The following NTNG1 variants were observed in gnomAD, a reference collection of about 807,000 sequenced individuals.
NTNG1 encodes netrin G1, also known as netrin-G1.
NTNG1 carries 16 observed loss-of-function variants against 54.0 expected under a neutral mutation model. The observed-to-expected ratio is 0.30, with a 90% CI of 0.20 to 0.45. The LOEUF is 0.45. Among genes scored for constraint, NTNG1 ranks in the 20% least tolerant of loss-of-function variants. NTNG1 has a pLI of 1.00. For synonymous variants in NTNG1, 255 were observed against 263.1 expected (o/e 0.97, Z 0.30); for missense variants, 530 against 678.7 (o/e 0.78, Z 2.43).
chr1:107,462,058 A>G (rs1677314748), intron 7 of NTNG1, among the ~76,000 whole-genome samples: 1 of 152,108 alleles, frequency 6.6e-6, no homozygotes, highest in Non-Finnish European at 1.5e-5. Context: ...AAATAGATGG[A>G]TTTGGGATCT....
intron 2 of NTNG1, among the ~76,000 whole-genome samples, chr1:107,273,269 A>T (rs1449101050): frequency 1.3e-5 from 2 of 152,184 alleles, no homozygotes; most frequent in Non-Finnish European, 2.9e-5. Flanking sequence ...GAGAATGTAT[A>T]GAACTGGAAG....
At chr1:107,273,218 C>G (rs1408473653) in intron 2 of NTNG1, among the ~76,000 whole-genome samples, 3 of 152,090 alleles carry the variant, frequency 2.0e-5, no homozygotes, top group Non-Finnish European at 4.4e-5. Flanking sequence ...GGTCGCTGAG[C>G]AGTGAGAATA....
chr1:107,217,573 T>C (rs1458542294), intron 2 of NTNG1, among the ~76,000 whole-genome samples: 1 of 152,212 alleles, frequency 6.6e-6, no homozygotes, highest in African/African-American at 2.4e-5. Flanking sequence ...TTCAGCTTTT[T>C]GATGTAGGCA....
intron 2 of NTNG1, among the ~76,000 whole-genome samples, chr1:107,268,487 T>C (rs1392066152): frequency 1.4e-4 from 1 of 7,282 alleles, no homozygotes; most frequent in African/African-American, 1.4e-4. Context: ...TCTCATCATA[T>C]TTTTTTTTTT....
At chr1:107,224,931 G>A (rs1660578171) in intron 2 of NTNG1, among the ~76,000 whole-genome samples, 1 of 152,118 alleles carries the variant, frequency 6.6e-6, no homozygotes, top group Non-Finnish European at 1.5e-5. Context: ...TTTCTCAACT[G>A]TTGTATAAAA....
At chr1:107,245,157 C>G (rs766522751) in intron 2 of NTNG1, among the ~76,000 whole-genome samples, 1 of 152,098 alleles carries the variant, frequency 6.6e-6, no homozygotes, top group Non-Finnish European at 1.5e-5. Context: ...TTTATCCAGG[C>G]AAATTCCTTT....
chr1:107,365,473 A>T (rs1019573243), intron 3 of NTNG1, among the ~76,000 whole-genome samples: 4 of 152,072 alleles, frequency 2.6e-5, no homozygotes, highest in African/African-American at 4.8e-5. Flanking sequence ...AAAGGATAAT[A>T]AAAAAAATTG....
intron 3 of NTNG1, among the ~76,000 whole-genome samples, chr1:107,351,283 G>T (rs928625475): frequency 6.6e-6 from 1 of 152,132 alleles, no homozygotes; most frequent in Admixed American, 6.5e-5. Flanking sequence ...GTTTTAGTCA[G>T]TTTGCTCACT....
At position 107,345,576 on chromosome 1, in the gene NTNG1, C is replaced by T. The variant is rs376565521; in HGVS notation, c.887+20654C>T. ...AGATGGCATTTCATATTATTCATGACGGCAACCTTCAGTCCAGCACCATTG... is the reference window on the plus strand; with the variant it reads ...AGATGGCATTTCATATTATTCATGATGGCAACCTTCAGTCCAGCACCATTG... On this transcript the variant is annotated intron_variant, in intron 3 of 7. Coordinates refer to ENST00000370068, the MANE Select transcript of NTNG1 (RefSeq NM_001113226.3). Among the ~76,000 whole-genome samples the T allele has an allele frequency of 8.5e-5, 13 of 152,202 alleles. No individual in the cohort carries two copies. In the South Asian group the frequency reaches 1.5e-3, roughly 17 times the overall value.
chr1:107,407,969 C>G, intron 5 of NTNG1: 1 of 680,172 alleles, frequency 1.5e-6, no homozygotes, highest in Non-Finnish European at 2.7e-6. Context: ...TACCTAGACT[C>G]AGGTGCAATT....
chr1:107,439,552 A>T (rs1346944843), intron 7 of NTNG1, among the ~76,000 whole-genome samples: 1 of 152,122 alleles, frequency 6.6e-6, no homozygotes, highest in Non-Finnish European at 1.5e-5. Context: ...TTGAAATTAG[A>T]TTTGATATAT....
At chr1:107,256,992 A>G (rs1662977447) in intron 2 of NTNG1, among the ~76,000 whole-genome samples, 1 of 152,124 alleles carries the variant, frequency 6.6e-6, no homozygotes, top group Non-Finnish European at 1.5e-5. Flanking sequence ...CTTATCTGAC[A>G]ATATGGAGAT....
intron 3 of NTNG1, among the ~76,000 whole-genome samples, chr1:107,338,780 A>G (rs576106603): frequency 6.6e-6 from 1 of 151,986 alleles, no homozygotes; most frequent in East Asian, 1.9e-4. Context: ...ACCACAGAGA[A>G]TAGGGTTCTG....
In NTNG1 at chr1:107,299,424, T is replaced by A. The variant is rs1213931525; in HGVS notation, c.247-24858T>A. On this transcript the variant is annotated intron_variant, in intron 2 of 7. Transcript: ENST00000370068. ...TTCGTAGCACATACAGTGGTACTTC[T>A]CAAAATCAATGGTGTAGTGGATTTT... 2.6e-5 allele frequency among the ~76,000 whole-genome samples: 4 copies of A among 152,212 alleles called. No homozygotes were observed. In the East Asian group the frequency reaches 7.7e-4, roughly 29 times the overall value.
intron 3 of NTNG1, 140 bp downstream of exon 3, chr1:107,325,062 G>T: frequency 2.4e-6 from 2 of 832,826 alleles, no homozygotes; most frequent in Middle Eastern, 3.7e-4. Context: ...AGTAGGTTCT[G>T]AAGGCATTCT....
chr1:107,344,475 C>T (rs1225175583), intron 3 of NTNG1, among the ~76,000 whole-genome samples: 1 of 152,076 alleles, frequency 6.6e-6, no homozygotes, highest in Non-Finnish European at 1.5e-5. Flanking sequence ...TGGGTCATTG[C>T]TGCCTTCTCA....
intron 7 of NTNG1, among the ~76,000 whole-genome samples, chr1:107,453,551 G>C (rs771383930): frequency 1.3e-5 from 2 of 152,130 alleles, no homozygotes; most frequent in African/African-American, 4.8e-5. Flanking sequence ...AAGCCTCCCA[G>C]GGGGTTTCTT....
At chr1:107,297,249 G>GATATATATATT (rs1491195014) in intron 2 of NTNG1, among the ~76,000 whole-genome samples, 1 of 18,676 alleles carries the variant, frequency 5.4e-5, no homozygotes, top group Non-Finnish European at 1.2e-4. Context: ...ATATATATGC[G>GATATATATATT]CACACACACA....
chr1:107,345,309 G>A (rs569954903), intron 3 of NTNG1, among the ~76,000 whole-genome samples: 32 of 152,082 alleles, frequency 2.1e-4, no homozygotes, highest in Non-Finnish European at 4.0e-4. Context: ...ATTATAAGCC[G>A]GAACTACTTA....
Sources: gnomAD v4.1 joint callset for allele counts (sites outside exome capture counted in the v4.1 genomes callset) on GRCh38, gnomAD v4.1.1 for gene constraint, MANE v1.5 for transcripts, NCBI Gene and HGNC (gene_info 2026-07-23, HGNC 2026-07-21) for gene names.